Variants in APP observed in about 807,000 individuals in gnomAD.
APP encodes amyloid beta precursor protein.
A neutral mutation model predicts 101.4 loss-of-function variants in APP; 31 were observed. That is an observed-to-expected ratio of 0.31 (90% confidence interval 0.23 to 0.41). The LOEUF (loss-of-function observed/expected upper bound fraction) is 0.41. APP is among the 10% of genes least tolerant of loss of function. The pLI is 1.00. For synonymous variants in APP, 366 were observed against 364.4 expected, an observed-to-expected ratio of 1.00 and a Z score of -0.05; for missense variants, 839 against 1,003.7, an observed-to-expected ratio of 0.84 and a Z score of 2.22.
intron 3 of APP, among the ~76,000 whole-genome samples, chr21:26,057,644 G>A (rs2046097742): frequency 6.6e-6 from 1 of 152,164 alleles, no homozygotes; most frequent in Admixed American, 6.5e-5. Context: ...TGGTCTTTGG[G>A]AGGACTGTCT....
chr21:25,999,384 A>T (rs1242779714), intron 7 of APP, among the ~76,000 whole-genome samples: 10 of 152,210 alleles, frequency 6.6e-5, no homozygotes, highest in Non-Finnish European at 1.5e-5. Flanking sequence ...TACTTTCAAG[A>T]GAAGAAGCAG....
chr21:25,900,900 T>C (rs1391599627), intron 15 of APP, among the ~76,000 whole-genome samples: 1 of 143,320 alleles, frequency 7.0e-6, no homozygotes, highest in Non-Finnish European at 1.5e-5. Context: ...GGCAGGAGAA[T>C]GGTGTGAACC....
chr21:26,059,562 C>A (rs1449933145), intron 3 of APP, among the ~76,000 whole-genome samples: 5 of 152,126 alleles, frequency 3.3e-5, no homozygotes, highest in Admixed American at 1.3e-4. Context: ...GTCCTCAGAA[C>A]CACACCAAAG....
chr21:26,034,419 C>T (rs1204995692), intron 5 of APP, among the ~76,000 whole-genome samples: 1 of 151,536 alleles, frequency 6.6e-6, no homozygotes, highest in Non-Finnish European at 1.5e-5. Flanking sequence ...CTGAGGCGGG[C>T]GGATCTTGAG....
chr21:25,897,492 T>A, intron 16 of APP, 81 bp downstream of exon 16: 5 of 1,071,564 alleles, frequency 4.7e-6, no homozygotes, highest in Non-Finnish European at 7.3e-6. Context: ...TTAATTTGAT[T>A]TCTAGCACAG....
chr21:25,950,273 G>A (rs953061489), intron 13 of APP, among the ~76,000 whole-genome samples: 6 of 151,780 alleles, frequency 4.0e-5, no homozygotes, highest in East Asian at 1.9e-4. Flanking sequence ...TCTTTTCTCC[G>A]TTCTCTATGC....
At chr21:25,972,808 T>G (rs1568787627) in intron 11 of APP, among the ~76,000 whole-genome samples, 1 of 150,802 alleles carries the variant, frequency 6.6e-6, no homozygotes, top group Non-Finnish European at 1.5e-5. Context: ...GGTAAACATG[T>G]TGTTTTTTTT....
In APP at chr21:25,881,656, G is replaced by A. The variant is rs1350555988; in HGVS notation, c.*14C>T. 3.1e-6 allele frequency: 5 copies of A among 1,611,750 alleles called. No homozygotes were observed. Among genetic ancestry groups the A allele is most frequent in the Non-Finnish European group, 4.2e-6 (5 of 1,177,978 alleles). On this transcript the variant is annotated 3_prime_UTR_variant, in exon 18 of 18. Transcript: ENST00000346798. ...GTTTTGCTGTCCAACTTCAGAGGCTGCTGTGGCGGGGGTCTAGTTCTGCAT... is the reference window on the plus strand; with the variant it reads ...GTTTTGCTGTCCAACTTCAGAGGCTACTGTGGCGGGGGTCTAGTTCTGCAT...
Position 26,085,980 on chromosome 21 carries a change from C to A in APP, c.355+3963G>T, listed in dbSNP as rs556600554. ...CTTGTAATTCCTTTTTTGGATTAAGCTATTAACCTGACTTTGCCCCAATAA... is the reference window on the plus strand; with the variant it reads ...CTTGTAATTCCTTTTTTGGATTAAGATATTAACCTGACTTTGCCCCAATAA... On this transcript the variant is annotated intron_variant, in intron 3 of 17. Transcript: ENST00000346798. Among the ~76,000 whole-genome samples, 4 of 152,230 alleles carry A rather than the reference C, an allele frequency of 2.6e-5. No individual in the cohort carries two copies. In the South Asian group the frequency reaches 8.3e-4, roughly 32 times the overall value.
intron 1 of APP, among the ~76,000 whole-genome samples, chr21:26,136,266 G>A (rs189680431): frequency 5.9e-5 from 9 of 151,986 alleles, no homozygotes; most frequent in Non-Finnish European, 1.0e-4. Context: ...CACTCTGCAC[G>A]CCACTGCCTC....
At chr21:25,898,031 T>C in intron 15 of APP, 1 of 284,508 alleles carries the variant, frequency 3.5e-6, no homozygotes, top group South Asian at 4.2e-5. Flanking sequence ...TTGTTTAGCC[T>C]ATTATGTGTC....
chr21:26,058,719 T>C (rs1477016330), intron 3 of APP, among the ~76,000 whole-genome samples: 1 of 152,164 alleles, frequency 6.6e-6, no homozygotes, highest in Non-Finnish European at 1.5e-5. Context: ...GAGGATCACT[T>C]GAGCCCAGGA....
chr21:26,025,858 G>T (rs1036157753), intron 5 of APP, among the ~76,000 whole-genome samples: 2 of 152,212 alleles, frequency 1.3e-5, no homozygotes, highest in Admixed American at 1.3e-4. Flanking sequence ...AGATGTCCAT[G>T]AATTCAATTA....
chr21:26,061,950 T>G (rs2046280541), intron 3 of APP, among the ~76,000 whole-genome samples: 1 of 152,094 alleles, frequency 6.6e-6, no homozygotes, highest in South Asian at 2.1e-4. Context: ...GAGTGGTGGC[T>G]CATGCCTGTA....
At chr21:26,168,318 G>T (rs766566975) in intron 1 of APP, among the ~76,000 whole-genome samples, 1 of 152,048 alleles carries the variant, frequency 6.6e-6, no homozygotes, top group Non-Finnish European at 1.5e-5. Flanking sequence ...CAGTCAACTC[G>T]TAATTACATC....
chr21:26,073,693 G>A (rs1347268128), intron 3 of APP, among the ~76,000 whole-genome samples: 1 of 152,172 alleles, frequency 6.6e-6, no homozygotes, highest in Non-Finnish European at 1.5e-5. Context: ...ATTAAATACA[G>A]GGTCAGTAGG....
At chr21:26,084,261 CTG>C (rs1294335026) in intron 3 of APP, among the ~76,000 whole-genome samples, 150 of 101,510 alleles carry the variant, frequency 1.5e-3, no homozygotes, top group Non-Finnish European at 2.3e-3. Context: ...TTTTTTGAGA[CTG>C]AGTCTCGCTC....
At chr21:26,023,055 G>C (rs923400365) in intron 5 of APP, among the ~76,000 whole-genome samples, 1 of 151,340 alleles carries the variant, frequency 6.6e-6, no homozygotes, top group Non-Finnish European at 1.5e-5. Context: ...ACTCACACAG[G>C]TGGAAGATGA....
intron 13 of APP, among the ~76,000 whole-genome samples, chr21:25,946,624 C>G (rs1331339631): frequency 2.0e-5 from 3 of 152,080 alleles, no homozygotes; most frequent in African/African-American, 7.2e-5. Flanking sequence ...TGAGATCATG[C>G]CGCTTCACTT....
Sources: allele counts gnomAD v4.1 joint callset (sites outside exome capture counted in the v4.1 genomes callset), GRCh38; gene constraint gnomAD v4.1.1; transcripts MANE v1.5; gene names NCBI Gene and HGNC (gene_info 2026-07-23, HGNC 2026-07-21).